MTMR2: variants seen among roughly 807,000 people sequenced by gnomAD.
MTMR2 encodes the protein phosphatidylinositol-3,5-bisphosphate 3-phosphatase MTMR2.
In MTMR2, 55 loss-of-function variants were observed where a neutral mutation model predicts 86.9. That is an observed-to-expected ratio of 0.63 (90% CI 0.51 to 0.79). The LOEUF (loss-of-function observed/expected upper bound fraction) is 0.79, where lower values mean the gene tolerates loss of function less well. MTMR2 is among the 30% of genes least tolerant of loss of function. The probability of loss-of-function intolerance (pLI) is 0.00; values close to 1 mark genes in which losing one functional copy is unlikely to be tolerated. For missense variants in MTMR2, 659 were observed against 772.3 expected (o/e 0.85, Z 1.74); for synonymous variants, 241 against 266.8 (o/e 0.90, Z 0.94).
At chr11:95,912,074 T>A (rs975686229) in intron 1 of MTMR2, among the ~76,000 whole-genome samples, 2 of 124,590 alleles carry the variant, frequency 1.6e-5, no homozygotes, top group Middle Eastern at 3.9e-3. Flanking sequence ...ATAAATGAAG[T>A]TAACACAGGT....
intron 1 of MTMR2, among the ~76,000 whole-genome samples, chr11:95,893,185 CATAAAG>C (rs1865769694): frequency 1.3e-5 from 2 of 152,180 alleles, no homozygotes; most frequent in South Asian, 4.1e-4. Flanking sequence ...TTTTATTATC[CATAAAG>C]ATAAACTGTC....
At chr11:95,879,920 A>G (rs1244736128) in intron 2 of MTMR2, among the ~76,000 whole-genome samples, 1 of 152,060 alleles carries the variant, frequency 6.6e-6, no homozygotes, top group Non-Finnish European at 1.5e-5. Flanking sequence ...AAATCAAGGT[A>G]TGTTTTTCTG....
intron 3 of MTMR2, among the ~76,000 whole-genome samples, chr11:95,863,489 G>A (rs1249494686): frequency 6.6e-6 from 1 of 152,066 alleles, no homozygotes; most frequent in Non-Finnish European, 1.5e-5. Flanking sequence ...ATTTCATTTA[G>A]AGGGAAGCTT....
intron 2 of MTMR2, among the ~76,000 whole-genome samples, chr11:95,869,412 T>C (rs1864765423): frequency 6.6e-6 from 1 of 152,180 alleles, no homozygotes; most frequent in Non-Finnish European, 1.5e-5. Flanking sequence ...CAAAATGGCC[T>C]ATTGACATGG....
At chr11:95,915,046 T>A (rs569689045) in intron 1 of MTMR2, among the ~76,000 whole-genome samples, 3 of 152,328 alleles carry the variant, frequency 2.0e-5, no homozygotes, top group Non-Finnish European at 4.4e-5. Context: ...ATTATTACTA[T>A]AACTGTCTAC....
intron 2 of MTMR2, among the ~76,000 whole-genome samples, chr11:95,879,401 A>G (rs923560353): frequency 6.6e-6 from 1 of 152,188 alleles, no homozygotes; most frequent in Admixed American, 6.5e-5. Flanking sequence ...CTCTCTTCCC[A>G]TAATCTGCAA....
intron 14 of MTMR2, 73 bp from the exon 15 acceptor site, chr11:95,835,524 T>C (rs1863229186): frequency 1.3e-6 from 2 of 1,492,166 alleles, no homozygotes; most frequent in Non-Finnish European, 1.9e-6. Context: ...TCCCTAAATG[T>C]TGCAGTGTAT....
intron 11 of MTMR2, 114 bp from the exon 12 acceptor site, chr11:95,841,823 C>T: frequency 1.2e-6 from 1 of 809,228 alleles, no homozygotes; most frequent in Non-Finnish European, 2.1e-6. Flanking sequence ...AAGTCGGGTG[C>T]TGTGGTTTAC....
At chr11:95,923,631 G>A (rs758878707) in intron 1 of MTMR2, 44 of 1,367,114 alleles carry the variant, frequency 3.2e-5, no homozygotes, top group Non-Finnish European at 3.9e-5. Context: ...CTCCATCGGG[G>A]AGAAAACGAG....
chr11:95,889,925 T>G (rs1424586956), intron 1 of MTMR2, among the ~76,000 whole-genome samples: 1 of 152,204 alleles, frequency 6.6e-6, no homozygotes, highest in Non-Finnish European at 1.5e-5. Flanking sequence ...TATACCAGAA[T>G]GCAAAATTTT....
intron 1 of MTMR2, among the ~76,000 whole-genome samples, chr11:95,921,348 A>G (rs1290457468): frequency 6.6e-6 from 1 of 152,260 alleles, no homozygotes; most frequent in Non-Finnish European, 1.5e-5. Flanking sequence ...AACAGAAAGC[A>G]TAAAAATAAA....
chr11:95,889,137 T>TC (rs1865620003), intron 1 of MTMR2, among the ~76,000 whole-genome samples: 2 of 151,646 alleles, frequency 1.3e-5, no homozygotes, highest in Non-Finnish European at 2.9e-5. Flanking sequence ...ATAGAACTTT[T>TC]TTTTTTTTTT....
At chr11:95,840,576 A>G (rs913241958) in intron 12 of MTMR2, among the ~76,000 whole-genome samples, 3 of 152,166 alleles carry the variant, frequency 2.0e-5, no homozygotes, top group Non-Finnish European at 2.9e-5. Flanking sequence ...TATATATGCT[A>G]AAATACTAGT....
chr11:95,844,242 A>C (rs1391748095), intron 11 of MTMR2, among the ~76,000 whole-genome samples: 2 of 152,128 alleles, frequency 1.3e-5, no homozygotes, highest in Non-Finnish European at 2.9e-5. Flanking sequence ...CATTGTGTAG[A>C]GAACGGCAAA....
At chr11:95,894,673 T>C (rs1865821472) in intron 1 of MTMR2, among the ~76,000 whole-genome samples, 1 of 152,160 alleles carries the variant, frequency 6.6e-6, no homozygotes, top group Non-Finnish European at 1.5e-5. Flanking sequence ...GAAACTATCA[T>C]AGAAGATTAA....
intron 2 of MTMR2, among the ~76,000 whole-genome samples, chr11:95,885,222 T>C (rs929340351): frequency 6.6e-6 from 1 of 152,156 alleles, no homozygotes; most frequent in Non-Finnish European, 1.5e-5. Context: ...TTTGCATTTA[T>C]AATCACCCTA....
intron 1 of MTMR2, among the ~76,000 whole-genome samples, chr11:95,917,788 G>A (rs1034180105): frequency 2.0e-4 from 31 of 152,198 alleles, no homozygotes; most frequent in African/African-American, 5.6e-4. Flanking sequence ...TGCACATGCT[G>A]AGGAGGAAAA....
chr11:95,892,686 T>C (rs925692139), intron 1 of MTMR2, among the ~76,000 whole-genome samples: 1 of 152,184 alleles, frequency 6.6e-6, no homozygotes, highest in Non-Finnish European at 1.5e-5. Context: ...TAGTCAACAC[T>C]CTGTCGCATA....
intron 1 of MTMR2, among the ~76,000 whole-genome samples, chr11:95,903,504 G>A (rs1048879615): frequency 1.3e-5 from 2 of 152,108 alleles, no homozygotes; most frequent in Admixed American, 6.6e-5. Flanking sequence ...ACCACAGAGC[G>A]TGGACTCATT....
Sources: allele counts gnomAD v4.1 joint callset (sites outside exome capture counted in the v4.1 genomes callset), GRCh38; gene constraint gnomAD v4.1.1; transcripts MANE v1.5; gene names NCBI Gene and HGNC (gene_info 2026-07-23, HGNC 2026-07-21).